ITSN1: variants seen among roughly 807,000 people sequenced by gnomAD.
ITSN1 encodes intersectin 1, also known as intersectin-1.
A neutral mutation model predicts 239.8 loss-of-function variants in ITSN1; 58 were observed. The ratio of observed to expected loss-of-function variants is 0.24; its 90% CI spans 0.20 to 0.30. The LOEUF is 0.30. Ranked by LOEUF, ITSN1 falls within the 10% of genes least tolerant of loss-of-function variation. The pLI is 1.00. For synonymous variants in ITSN1, 780 were observed against 770.8 expected (o/e 1.01, Z -0.20); for missense variants, 1,558 against 2,103.3 (o/e 0.74, Z 5.07).
intron 23 of ITSN1, 66 bp downstream of exon 23, chr21:33,818,538 C>T (rs1242305995): frequency 1.5e-6 from 2 of 1,346,584 alleles, no homozygotes; most frequent in Non-Finnish European, 2.1e-6. Flanking sequence ...ACTGTTTGCA[C>T]TAGTTAAGAT....
intron 16 of ITSN1, among the ~76,000 whole-genome samples, chr21:33,790,819 C>T (rs2071069204): frequency 6.6e-6 from 1 of 152,092 alleles, no homozygotes; most frequent in Non-Finnish European, 1.5e-5. Context: ...TTGCTCATTT[C>T]CTAGATATGT....
chr21:33,816,969 A>G (rs1391805659), intron 22 of ITSN1, among the ~76,000 whole-genome samples: 1 of 152,162 alleles, frequency 6.6e-6, no homozygotes, highest in East Asian at 1.9e-4. Flanking sequence ...ATCAACATAG[A>G]TGCTGAAACT....
intron 5 of ITSN1, among the ~76,000 whole-genome samples, chr21:33,746,778 G>C (rs547985200): frequency 6.6e-6 from 1 of 152,110 alleles, no homozygotes; most frequent in Non-Finnish European, 1.5e-5. Context: ...GGAGGCAGAG[G>C]TTACAGTGAG....
intron 5 of ITSN1, among the ~76,000 whole-genome samples, chr21:33,736,698 G>A (rs1261459837): frequency 6.6e-6 from 1 of 152,222 alleles, no homozygotes; most frequent in Non-Finnish European, 1.5e-5. Flanking sequence ...ATTCAAGGGT[G>A]TTTGGGGTCG....
chr21:33,680,576 CCACCT>C (rs2090888913), intron 1 of ITSN1, among the ~76,000 whole-genome samples: 1 of 152,172 alleles, frequency 6.6e-6, no homozygotes, highest in African/African-American at 2.4e-5. Context: ...AGTGATCCAC[CCACCT>C]CAGCCTCCCA....
At chr21:33,870,573 G>C (rs1357136415) in intron 33 of ITSN1, among the ~76,000 whole-genome samples, 1 of 152,146 alleles carries the variant, frequency 6.6e-6, no homozygotes. Context: ...TCTTAGCATG[G>C]TCTCAAAGAC....
At chr21:33,791,415 C>T (rs2071122612) in intron 16 of ITSN1, among the ~76,000 whole-genome samples, 1 of 152,118 alleles carries the variant, frequency 6.6e-6, no homozygotes, top group Non-Finnish European at 1.5e-5. Flanking sequence ...ATAATCAGTT[C>T]CTAAGATCGG....
At chr21:33,786,283 G>A (rs1289671082) in intron 16 of ITSN1, among the ~76,000 whole-genome samples, 1 of 152,144 alleles carries the variant, frequency 6.6e-6, no homozygotes, top group East Asian at 1.9e-4. Context: ...TGTTCTGTAT[G>A]TAACAAATAC....
At chr21:33,778,815 T>C (rs2069883343) in intron 14 of ITSN1, among the ~76,000 whole-genome samples, 1 of 141,042 alleles carries the variant, frequency 7.1e-6, no homozygotes, top group Non-Finnish European at 1.5e-5. Context: ...CCTGACCTCG[T>C]GATCCGCCCG....
intron 29 of ITSN1, chr21:33,836,844 C>T: frequency 1.6e-6 from 1 of 630,746 alleles, no homozygotes; most frequent in Non-Finnish European, 2.7e-6. Flanking sequence ...TGTAGCATGT[C>T]CCCTCCCTCC....
chr21:33,713,923 C>T (rs541099591), intron 1 of ITSN1, among the ~76,000 whole-genome samples: 2 of 144,010 alleles, frequency 1.4e-5, no homozygotes, highest in African/African-American at 5.1e-5. Flanking sequence ...CAACCTCCGG[C>T]TCTCGGGTTC....
At chr21:33,728,869 T>C (rs769360731) in intron 4 of ITSN1, among the ~76,000 whole-genome samples, 11 of 152,128 alleles carry the variant, frequency 7.2e-5, no homozygotes, top group Non-Finnish European at 1.3e-4. Flanking sequence ...TCCAGATAGA[T>C]GCCCAGCCCC....
At chr21:33,643,318 C>T (rs994056749) in intron 1 of ITSN1, 1 of 152,246 alleles carries the variant, frequency 6.6e-6, no homozygotes, top group African/African-American at 2.4e-5. Flanking sequence ...GAGCGTCTTC[C>T]GCGCCCTGTG....
Position 33,895,396 on chromosome 21 carries a change from CAG to C in ITSN1, c.*7097_*7098del, listed in dbSNP as rs1491436219. ...TTTTTGTTGGTGGGACGCAGCAGCT[CAG>C]TGCGTGGTGTGTGCATGCGTGTTTG... On this transcript the variant is annotated 3_prime_UTR_variant, in exon 40 of 40. Transcript: ENST00000381318. The C allele has an allele frequency of 6.6e-6, 1 of 151,962 alleles. No individual in the cohort carries two copies. Among genetic ancestry groups the C allele is most frequent in the Non-Finnish European group, 1.5e-5 (1 of 68,162 alleles). The allele number at this position is 151,962 out of a possible 1,614,324, so 9.4% of individuals were successfully genotyped here. A position where few individuals can be genotyped will look rare whatever the true frequency, so the allele number is the denominator to read the frequency against.
chr21:33,797,908 T>C lies in ITSN1; in HGVS notation c.2182+300T>C, dbSNP rs538685138. 4.6e-5 allele frequency among the ~76,000 whole-genome samples: 7 copies of C among 152,312 alleles called. No individual in the cohort carries two copies. Among genetic ancestry groups the C allele is most frequent in the Admixed American group, 6.5e-5 (1 of 15,298 alleles). On this transcript the variant is annotated intron_variant, in intron 18 of 39. Transcript: ENST00000381318. This position sits in a 1 kb window ranked among gnomAD's most constrained non-coding sequence, Gnocchi z 4.9. ...ATGCTGCAAAAGAACCTGCTGTTTC[T>C]CTGGTTTGTTATTTCCCTCCCTGGA...
At chr21:33,815,425 A>T (rs1203561709) in intron 22 of ITSN1, among the ~76,000 whole-genome samples, 1 of 151,446 alleles carries the variant, frequency 6.6e-6, no homozygotes, top group African/African-American at 2.4e-5. Flanking sequence ...GAGGTGGGGG[A>T]TGGGAGGTTG....
intron 25 of ITSN1, among the ~76,000 whole-genome samples, chr21:33,826,499 A>C (rs1273937707): frequency 1.3e-5 from 2 of 152,258 alleles, no homozygotes; most frequent in Non-Finnish European, 2.9e-5. Flanking sequence ...GTAAACTAAC[A>C]GTCTTCCTAG....
chr21:33,644,582 C>G (rs1007694008), intron 1 of ITSN1, among the ~76,000 whole-genome samples: 1 of 151,418 alleles, frequency 6.6e-6, no homozygotes, highest in African/African-American at 2.4e-5. Flanking sequence ...TGCACAGATA[C>G]TAAGCATTGT....
At chr21:33,883,743 T>G in intron 36 of ITSN1, 72 bp downstream of exon 36, 1 of 1,551,766 alleles carries the variant, frequency 6.4e-7, no homozygotes, top group Admixed American at 1.8e-5. Context: ...GGCGGGTGAT[T>G]AATCAGGTGC....
Sources: allele counts gnomAD v4.1 joint callset (sites outside exome capture counted in the v4.1 genomes callset), GRCh38; gene constraint gnomAD v4.1.1; non-coding constraint Gnocchi (gnomAD v3.1); transcripts MANE v1.5; gene names NCBI Gene and HGNC (gene_info 2026-07-23, HGNC 2026-07-21).